The following PLTP variants were observed in gnomAD, a reference collection of about 807,000 sequenced individuals.
The protein encoded by PLTP is BPI fold containing family E.
In PLTP, 43 loss-of-function variants were observed where a neutral mutation model predicts 54.1. The ratio of observed to expected loss-of-function variants is 0.79; its 90% confidence interval spans 0.62 to 1.02. PLTP has a LOEUF of 1.02. Among genes scored for constraint, PLTP ranks in the 50% least tolerant of loss-of-function variants. PLTP has a pLI of 0.00. For synonymous variants in PLTP, 263 were observed against 264.6 expected (o/e 0.99, Z 0.06); for missense variants, 604 against 645.9 (o/e 0.94, Z 0.70).
rs775118997 is a variant in PLTP at position 45,899,445 on chromosome 20, A to G, written c.1359+17T>C. 13 of 1,613,450 alleles carry G rather than the reference A, an allele frequency of 8.1e-6. No homozygotes were observed. Among genetic ancestry groups the G allele is most frequent in the Non-Finnish European group, 1.1e-5 (13 of 1,179,614 alleles). ...AGGGGAAGGCCCTCCCTCCTTCCCC[A>G]TCCTGCCCCCACTCACCGCATGGTT... is the stretch of plus-strand genomic sequence containing the variant. On this transcript the variant is annotated intron_variant, in intron 15 of 15. Transcript: ENST00000372431.
chr20:45,902,405 C>T (rs2083195286), intron 11 of PLTP, 35 bp downstream of exon 11: 1 of 1,614,066 alleles, frequency 6.2e-7, no homozygotes, highest in Non-Finnish European at 8.5e-7. Context: ...TTTTCCCTGA[C>T]CCCCAGCCAG....
intron 2 of PLTP, 48 bp from the exon 3 acceptor site, chr20:45,911,299 G>A: frequency 6.2e-7 from 1 of 1,613,842 alleles, no homozygotes; most frequent in Non-Finnish European, 8.5e-7. Context: ...CCACTGTTGG[G>A]GCGACCCCAA....
chr20:45,911,217 C>G lies in PLTP; in HGVS notation c.135G>C (p.Glu45Asp). The G allele has an allele frequency of 6.2e-7, 1 of 1,614,194 alleles. No homozygotes were observed. Among genetic ancestry groups the G allele is most frequent in the Non-Finnish European group, 8.5e-7 (1 of 1,180,020 alleles). ...KQEGLRFLEQ[E>D]LETITIPDLR... ...GGTCCGGAATGGTGATAGTCTCCAG[C>G]TCTTGCTCCAGAAAGCGCAGCCCCT... Residue 45 changes from glutamate to aspartate, a missense_variant, in exon 3 of 16, where the codon GAG (glutamate) becomes GAC (aspartate). Coordinates refer to ENST00000372431, the MANE Select transcript of PLTP (RefSeq NM_006227.4).
chr20:45,910,796 T>TCTCCACCCCTCCGATTAA (rs2083282625), intron 3 of PLTP: 3 of 1,184,276 alleles, frequency 2.5e-6, no homozygotes, highest in South Asian at 1.6e-5. Context: ...GCCTTCAGTT[T>TCTCCACCCCTCCGATTAA]CTCCACCCCT....
chr20:45,904,138 G>A (rs1349527530), intron 10 of PLTP, among the ~76,000 whole-genome samples: 1 of 152,218 alleles, frequency 6.6e-6, no homozygotes, highest in African/African-American at 2.4e-5. Context: ...CCATAAATTG[G>A]ATGATGATAA....
At chr20:45,902,151 G>T in intron 12 of PLTP, 116 bp downstream of exon 12, 1 of 1,126,032 alleles carries the variant, frequency 8.9e-7, no homozygotes, top group Non-Finnish European at 1.3e-6. Flanking sequence ...CATTAACAAA[G>T]ACAGACCCCA....
intron 8 of PLTP, 78 bp from the exon 9 acceptor site, chr20:45,905,196 C>T (rs1010642495): frequency 3.0e-6 from 4 of 1,319,900 alleles, no homozygotes; most frequent in Admixed American, 3.4e-5. Context: ...CTCCCAGCCC[C>T]GTGCTAGGCA....
Position 45,904,928 on chromosome 20 carries a change from A to C in PLTP, c.882+14T>G, listed in dbSNP as rs1411884137. ...ACCTTCTCTTGCCCATCCCACAAAC[A>C]GGCCATGACATACCTTGTCCCCCAC... On this transcript the variant is annotated intron_variant, in intron 9 of 15. Coordinates refer to ENST00000372431, the MANE Select transcript of PLTP (RefSeq NM_006227.4). The C allele has an allele frequency of 6.2e-7, 1 of 1,614,226 alleles. No homozygotes were observed. The highest frequency in any genetic ancestry group is 1.1e-5 in the South Asian group (1 of 91,090).
chr20:45,911,531 T>C, intron 1 of PLTP, 68 bp from the exon 2 acceptor site: 2 of 1,590,160 alleles, frequency 1.3e-6, no homozygotes, highest in Non-Finnish European at 8.5e-7. Context: ...CGTCCAACCA[T>C]AAGTGGGAAC....
chr20:45,904,534 T>G (rs2083219557), intron 10 of PLTP, among the ~76,000 whole-genome samples: 1 of 152,186 alleles, frequency 6.6e-6, no homozygotes, highest in African/African-American at 2.4e-5. Flanking sequence ...AAAGTATATG[T>G]GAATTATTAT....
In PLTP at chr20:45,909,641, A is replaced by T; in HGVS notation, c.360T>A (p.Ala120=). The change falls in exon 5 of 16, where the codon GCT becomes GCA. Residue 120 remains alanine (A), a synonymous_variant. Coordinates refer to ENST00000372431, the MANE Select transcript of PLTP (RefSeq NM_006227.4). ...FYDGGYINAS[A]EGVSIRTGLE... Reference sequence around the variant, plus strand: ...GACCAGTGCGGATGGACACACCCTCAGCTGAGGCGTTGATGTAGCCCCCAT... The same window carrying T: ...GACCAGTGCGGATGGACACACCCTCTGCTGAGGCGTTGATGTAGCCCCCAT... 3 of 1,614,172 alleles carry T rather than the reference A, an allele frequency of 1.9e-6. No individual in the cohort carries two copies. Among genetic ancestry groups the T allele is most frequent in the Non-Finnish European group, 1.7e-6 (2 of 1,180,036 alleles).
chr20:45,902,894 C>T (rs771130239), intron 10 of PLTP, among the ~76,000 whole-genome samples: 1 of 152,144 alleles, frequency 6.6e-6, no homozygotes, highest in Non-Finnish European at 1.5e-5. Flanking sequence ...GCATTAGTAT[C>T]TCAGCCCTTG....
At chr20:45,902,973 G>A (rs1353231920) in intron 10 of PLTP, among the ~76,000 whole-genome samples, 2 of 151,998 alleles carry the variant, frequency 1.3e-5, no homozygotes, top group Non-Finnish European at 2.9e-5. Context: ...GCACAATCTC[G>A]GCTCACTGCA....
intron 6 of PLTP, 41 bp downstream of exon 6, chr20:45,907,800 A>G (rs1461268238): frequency 6.2e-7 from 1 of 1,609,744 alleles, no homozygotes; most frequent in Admixed American, 1.7e-5. Context: ...AAGTGAGAGC[A>G]TGCCCACCCT....
chr20:45,909,829 A>G, intron 4 of PLTP, 113 bp downstream of exon 4: 2 of 1,472,076 alleles, frequency 1.4e-6, no homozygotes, highest in Non-Finnish European at 1.9e-6. Flanking sequence ...TGTTTCTGTT[A>G]CACAGATGAA....
intron 10 of PLTP, among the ~76,000 whole-genome samples, 191 bp downstream of exon 10, chr20:45,904,609 T>A (rs1459368108): frequency 6.6e-6 from 1 of 151,690 alleles, no homozygotes; most frequent in Non-Finnish European, 1.5e-5. Flanking sequence ...GCGAAGGAGA[T>A]GGGGCAGGAA....
intron 10 of PLTP, among the ~76,000 whole-genome samples, chr20:45,904,326 G>A (rs2083216334): frequency 6.6e-6 from 1 of 152,032 alleles, no homozygotes; most frequent in Admixed American, 6.5e-5. Flanking sequence ...GCGGGGTGTG[G>A]TGGCACAAGC....
chr20:45,906,384 C>T, intron 7 of PLTP, 25 bp from the exon 8 acceptor site: 1 of 1,588,000 alleles, frequency 6.3e-7, no homozygotes, highest in Non-Finnish European at 8.6e-7. Context: ...TCAAGTCACT[C>T]ACGGCTGTGT....
chr20:45,910,819 A>C (rs1600484205), intron 3 of PLTP: 3 of 1,236,836 alleles, frequency 2.4e-6, no homozygotes, highest in Non-Finnish European at 3.1e-6. Context: ...GATTAACTCC[A>C]CCCCGTGCCC....
Sources: allele counts gnomAD v4.1 joint callset (sites outside exome capture counted in the v4.1 genomes callset), GRCh38; gene constraint gnomAD v4.1.1; transcripts MANE v1.5; gene names NCBI Gene and HGNC (gene_info 2026-07-23, HGNC 2026-07-21).